GLCCI1: variants seen among roughly 807,000 people sequenced by gnomAD.
The protein encoded by GLCCI1 is glucocorticoid induced 1.
In GLCCI1, 24 loss-of-function variants were observed where a neutral mutation model predicts 52.2. The ratio of observed to expected loss-of-function variants is 0.46; its 90% confidence interval spans 0.33 to 0.65. The LOEUF (loss-of-function observed/expected upper bound fraction) is 0.65, where lower values mean the gene tolerates loss of function less well. Ranked by LOEUF, GLCCI1 falls within the 30% of genes least tolerant of loss-of-function variation. The probability of loss-of-function intolerance (pLI) is 0.02; values close to 1 mark genes in which losing one functional copy is unlikely to be tolerated. For synonymous variants in GLCCI1, 310 were observed against 276.5 expected (o/e 1.12, Z -1.20); for missense variants, 704 against 701.5 (o/e 1.00, Z -0.04).
rs1006644507 is a variant in GLCCI1 at position 8,013,962 on chromosome 7, A to G, written c.610-8521A>G. ...TGTTGCCACTCCGAGAACCATGTAAACTAACAGTTATGGTACTGAAGGCCT... is the reference window on the plus strand; with the variant it reads ...TGTTGCCACTCCGAGAACCATGTAAGCTAACAGTTATGGTACTGAAGGCCT... On this transcript the variant is annotated intron_variant, in intron 2 of 7. Transcript: ENST00000223145. 2.7e-5 allele frequency among the ~76,000 whole-genome samples: 4 copies of G among 149,964 alleles called. No individual in the cohort carries two copies. In the East Asian group the frequency reaches 7.8e-4, roughly 29 times the overall value.
chr7:7,987,450 C>T (rs947638367), intron 1 of GLCCI1, among the ~76,000 whole-genome samples: 1 of 152,208 alleles, frequency 6.6e-6, no homozygotes, highest in Non-Finnish European at 1.5e-5. Context: ...TCTGAAATGT[C>T]AGTTTCTTGA....
chr7:8,082,332 G>C (rs1057063820), intron 6 of GLCCI1, among the ~76,000 whole-genome samples: 4 of 152,062 alleles, frequency 2.6e-5, no homozygotes, highest in African/African-American at 9.7e-5. Flanking sequence ...AAAAATCACA[G>C]AATTTTAGAG....
intron 3 of GLCCI1, among the ~76,000 whole-genome samples, chr7:8,032,200 T>C (rs975282390): frequency 5.9e-5 from 9 of 152,058 alleles, no homozygotes; most frequent in Non-Finnish European, 1.3e-4. Flanking sequence ...AGGATATTTT[T>C]TAATATTTTC....
At chr7:8,012,185 G>A (rs1163126014) in intron 2 of GLCCI1, among the ~76,000 whole-genome samples, 2 of 151,848 alleles carry the variant, frequency 1.3e-5, no homozygotes, top group Admixed American at 6.6e-5. Flanking sequence ...TAGTCAACCT[G>A]GTATCTTACT....
At chr7:8,040,524 TA>T (rs1193891957) in intron 3 of GLCCI1, among the ~76,000 whole-genome samples, 2 of 68,790 alleles carry the variant, frequency 2.9e-5, no homozygotes, top group African/African-American at 1.3e-4. Context: ...GAGATATAAT[TA>T]ACACACACAC....
At chr7:8,057,988 A>G (rs988773902) in intron 4 of GLCCI1, among the ~76,000 whole-genome samples, 1 of 152,206 alleles carries the variant, frequency 6.6e-6, no homozygotes, top group African/African-American at 2.4e-5. Flanking sequence ...CACATGAAAC[A>G]AATTGGTAAA....
intron 3 of GLCCI1, among the ~76,000 whole-genome samples, chr7:8,032,856 T>C (rs2127952147): frequency 6.6e-6 from 1 of 152,110 alleles, no homozygotes; most frequent in South Asian, 2.1e-4. Flanking sequence ...ATTTACAAAC[T>C]CTTCTTCTAA....
At chr7:8,031,557 G>A (rs1488437580) in intron 3 of GLCCI1, among the ~76,000 whole-genome samples, 2 of 152,062 alleles carry the variant, frequency 1.3e-5, no homozygotes, top group Non-Finnish European at 2.9e-5. Flanking sequence ...TAATTGGGTT[G>A]TTAGTAACAT....
At chr7:8,013,328 G>A (rs2127945865) in intron 2 of GLCCI1, among the ~76,000 whole-genome samples, 1 of 152,258 alleles carries the variant, frequency 6.6e-6, no homozygotes, top group African/African-American at 2.4e-5. Flanking sequence ...GTGACTAACA[G>A]TTGATAAAGA....
At chr7:8,062,375 TGATA>T (rs541641815) in intron 5 of GLCCI1, among the ~76,000 whole-genome samples, 273 of 152,338 alleles carry the variant, frequency 1.8e-3, no homozygotes, top group African/African-American at 6.2e-3. Context: ...TCAAACAAAC[TGATA>T]GATAATTAAA....
At chr7:7,977,690 T>A (rs1380551856) in intron 1 of GLCCI1, among the ~76,000 whole-genome samples, 3 of 152,176 alleles carry the variant, frequency 2.0e-5, no homozygotes, top group Non-Finnish European at 4.4e-5. Context: ...TTGAGCTATT[T>A]AAAGGAAAAG....
In GLCCI1 at chr7:7,970,932, A is replaced by AT. The variant is rs1780340851; in HGVS notation, c.457+1125_457+1126insT. Among the ~76,000 whole-genome samples, 20 of 4,036 alleles carry AT rather than the reference A, an allele frequency of 5.0e-3. 1 individual carries two copies. In the South Asian group the frequency reaches 0.074, roughly 15 times the overall value. The allele number at this position is 4,036 out of a possible 152,430, so 2.6% of individuals were successfully genotyped here. On this transcript the variant is annotated intron_variant, in intron 1 of 7. Coordinates refer to ENST00000223145, the MANE Select transcript of GLCCI1 (RefSeq NM_138426.4). ...TGTACATTGTTTATGTGGTATGTGGAATTTTTTTTTTTAATGGAGCTTTCT... is the reference window on the plus strand; with the variant it reads ...TGTACATTGTTTATGTGGTATGTGGATATTTTTTTTTTTAATGGAGCTTTCT...
At chr7:8,047,288 A>C (rs1164562491) in intron 3 of GLCCI1, among the ~76,000 whole-genome samples, 1 of 152,170 alleles carries the variant, frequency 6.6e-6, no homozygotes, top group Non-Finnish European at 1.5e-5. Context: ...CCCAGCCTTT[A>C]TTTAGATTAT....
chr7:8,023,668 G>C lies in GLCCI1; in HGVS notation c.696+1099G>C, dbSNP rs141017523. On this transcript the variant is annotated intron_variant, in intron 3 of 7. Transcript: ENST00000223145. ...GGCTGGAGGACAGTGGCACAGTCTT[G>C]GCTCACTGCAGCTTCCACCTCCCAG... Among the ~76,000 whole-genome samples, 316 of 127,230 alleles carry C rather than the reference G, an allele frequency of 2.5e-3. 3 individuals are homozygous for C. The highest frequency in any genetic ancestry group is 9.2e-3 in the African/African-American group (300 of 32,724). 83.5% of individuals were successfully genotyped at this position (127,230 alleles called of 152,430 possible).
chr7:8,060,710 A>T (rs1036790450), intron 5 of GLCCI1, among the ~76,000 whole-genome samples: 10 of 152,206 alleles, frequency 6.6e-5, no homozygotes, highest in African/African-American at 2.2e-4. Context: ...GATTTTATTT[A>T]TTCAGTCATC....
At chr7:8,040,085 AAAAT>A (rs1781964271) in intron 3 of GLCCI1, among the ~76,000 whole-genome samples, 1 of 152,146 alleles carries the variant, frequency 6.6e-6, no homozygotes, top group Non-Finnish European at 1.5e-5. Flanking sequence ...AATCTATATA[AAAAT>A]AAATAATAAA....
intron 2 of GLCCI1, among the ~76,000 whole-genome samples, chr7:8,016,491 T>C (rs1485179356): frequency 6.6e-6 from 1 of 151,736 alleles, no homozygotes; most frequent in Non-Finnish European, 1.5e-5. Flanking sequence ...AAAAAACCAA[T>C]TAAGATCATA....
intron 3 of GLCCI1, among the ~76,000 whole-genome samples, chr7:8,046,767 G>T (rs12702689): frequency 0.075 from 11,385 of 152,174 alleles, 484 homozygotes; most frequent in African/African-American, 0.1. Context: ...TTGGCCACAT[G>T]TTCTCCTCAG....
At chr7:8,006,368 G>C (rs1344445668) in intron 2 of GLCCI1, among the ~76,000 whole-genome samples, 2 of 152,128 alleles carry the variant, frequency 1.3e-5, no homozygotes, top group African/African-American at 2.4e-5. Context: ...CTATTTGAGA[G>C]TTAAGAGAGT....
Sources: allele counts gnomAD v4.1 joint callset (sites outside exome capture counted in the v4.1 genomes callset), GRCh38; gene constraint gnomAD v4.1.1; transcripts MANE v1.5; gene names NCBI Gene and HGNC (gene_info 2026-07-23, HGNC 2026-07-21).